The following APBB2 variants were observed in gnomAD, a reference collection of about 807,000 sequenced individuals.
The protein encoded by APBB2 is amyloid beta precursor protein binding family B member 2.
APBB2 carries 38 observed loss-of-function variants against 82.5 expected under a neutral mutation model. The observed-to-expected ratio is 0.46, with a 90% CI of 0.36 to 0.60. APBB2 has a LOEUF of 0.60. Ranked by LOEUF, APBB2 falls within the 20% of genes least tolerant of loss-of-function variation. The pLI, the probability that APBB2 is intolerant of heterozygous loss-of-function variation, is 0.00. For missense variants in APBB2, 772 were observed against 972.3 expected, an observed-to-expected ratio of 0.79 and a Z score of 2.74; for synonymous variants, 341 against 368.2, an observed-to-expected ratio of 0.93 and a Z score of 0.85.
intron 12 of APBB2, among the ~76,000 whole-genome samples, chr4:40,863,655 G>A (rs966713879): frequency 1.3e-5 from 2 of 151,474 alleles, no homozygotes; most frequent in African/African-American, 2.4e-5. Context: ...CACTTTGGGA[G>A]GCTGATGTGG....
Position 40,812,834 on chromosome 4 carries a change from A to AAGAC in APBB2, c.*3254_*3257dup, listed in dbSNP as rs1403208076. ...TGGGTCTAATGTCCCTTCATGCAAC[A>AAGAC]AGACAGATGAACAAAAAACAATGGT... On this transcript the variant is annotated 3_prime_UTR_variant, in exon 18 of 18. Coordinates refer to ENST00000508593, the MANE Select transcript of APBB2 (RefSeq NM_004307.2). 1.3e-5 allele frequency: 2 copies of AAGAC among 152,278 alleles called. No homozygotes were observed. Among genetic ancestry groups the AAGAC allele is most frequent in the African/African-American group, 4.8e-5 (2 of 41,468 alleles). 9.4% of individuals were successfully genotyped at this position (152,278 alleles called of 1,614,324 possible). A position where few individuals can be genotyped will look rare whatever the true frequency, so the allele number is the denominator to read the frequency against.
At chr4:40,866,903 G>T (rs1295823947) in intron 12 of APBB2, among the ~76,000 whole-genome samples, 1 of 151,974 alleles carries the variant, frequency 6.6e-6, no homozygotes, top group African/African-American at 2.4e-5. Context: ...ATTTTTAGTA[G>T]AATACAAAAG....
At chr4:40,982,457 G>GAAAGAA (rs1799327888) in intron 6 of APBB2, among the ~76,000 whole-genome samples, 1 of 70,898 alleles carries the variant, frequency 1.4e-5, no homozygotes, top group East Asian at 4.1e-4. Flanking sequence ...AAGAAAGAAT[G>GAAAGAA]AATGAATTTG....
At chr4:41,015,949 C>A (rs188044774) in intron 5 of APBB2, among the ~76,000 whole-genome samples, 1 of 152,214 alleles carries the variant, frequency 6.6e-6, no homozygotes, top group East Asian at 1.9e-4. Flanking sequence ...ATTTTTATTA[C>A]CATTTGGCTA....
In APBB2 at chr4:40,890,357, G is replaced by T. The variant is rs184122739; in HGVS notation, c.1529+7C>A. The T allele has an allele frequency of 6.1e-5, 99 of 1,611,448 alleles. 1 individual carries two copies. The East Asian group carries it at 2.0e-3, about 33-fold the overall frequency. On this transcript the variant is annotated splice_region_variant and intron_variant, in intron 12 of 17. Coordinates refer to ENST00000508593, the MANE Select transcript of APBB2 (RefSeq NM_004307.2). ...GGTGACCCAGACTGCCCCACCCAGG[G>T]ACTCACCGGCCATTGTCGCGGCCCA...
chr4:41,120,339 T>C (rs1173744965), intron 2 of APBB2, among the ~76,000 whole-genome samples: 1 of 152,026 alleles, frequency 6.6e-6, no homozygotes, highest in Non-Finnish European at 1.5e-5. Flanking sequence ...CTCACCCAGG[T>C]CCCGCTGTGT....
At chr4:41,091,666 C>T (rs575190122) in intron 3 of APBB2, among the ~76,000 whole-genome samples, 2 of 152,264 alleles carry the variant, frequency 1.3e-5, no homozygotes, top group Middle Eastern at 3.4e-3. Flanking sequence ...TAAATATCTG[C>T]GGAGTAAATG....
intron 10 of APBB2, among the ~76,000 whole-genome samples, chr4:40,927,990 C>T (rs111551209): frequency 4.6e-5 from 7 of 152,096 alleles, no homozygotes; most frequent in Admixed American, 6.6e-5. Context: ...CCATGTGCCA[C>T]GGGAAAAGGG....
At chr4:40,856,797 A>AC in intron 12 of APBB2, among the ~76,000 whole-genome samples, 1 of 151,514 alleles carries the variant, frequency 6.6e-6, no homozygotes, top group African/African-American at 2.4e-5. Context: ...TACAAGCCTC[A>AC]CTCCTTCTTC....
chr4:41,207,826 C>T (rs1335552435), intron 1 of APBB2: 1 of 152,148 alleles, frequency 6.6e-6, no homozygotes, highest in Admixed American at 6.5e-5. Context: ...GGCCCAGATT[C>T]CCAGACTTAC....
At chr4:41,151,796 A>G (rs1455852955) in intron 1 of APBB2, among the ~76,000 whole-genome samples, 4 of 151,442 alleles carry the variant, frequency 2.6e-5, no homozygotes, top group African/African-American at 9.7e-5. Context: ...AAGTGAATTA[A>G]AGTTTCTTTA....
intron 12 of APBB2, among the ~76,000 whole-genome samples, chr4:40,850,638 A>T (rs1372670455): frequency 6.6e-6 from 1 of 152,244 alleles, no homozygotes; most frequent in East Asian, 1.9e-4. Flanking sequence ...CAGAGGCTAC[A>T]GCAACTTTTG....
chr4:40,839,183 T>A (rs1755007647), intron 12 of APBB2, among the ~76,000 whole-genome samples: 1 of 152,016 alleles, frequency 6.6e-6, no homozygotes, highest in Non-Finnish European at 1.5e-5. Context: ...ACTCAAGCGA[T>A]CCTCCCGTCT....
intron 10 of APBB2, among the ~76,000 whole-genome samples, chr4:40,899,937 G>A (rs1393871215): frequency 6.6e-6 from 1 of 152,194 alleles, no homozygotes; most frequent in Non-Finnish European, 1.5e-5. Context: ...CGGGGTACAG[G>A]ACCAAAGAAG....
At chr4:40,906,769 G>A (rs1364767003) in intron 10 of APBB2, among the ~76,000 whole-genome samples, 1 of 152,174 alleles carries the variant, frequency 6.6e-6, no homozygotes, top group African/African-American at 2.4e-5. Flanking sequence ...GACCCAAAGT[G>A]AGATGTCTTT....
At chr4:40,977,839 T>A (rs1328878527) in intron 6 of APBB2, among the ~76,000 whole-genome samples, 6 of 152,194 alleles carry the variant, frequency 3.9e-5, no homozygotes, top group African/African-American at 1.4e-4. Context: ...CAAAGAGCCT[T>A]AGTTCTAATG....
chr4:41,059,236 G>A (rs550161315), intron 4 of APBB2, among the ~76,000 whole-genome samples: 104 of 152,320 alleles, frequency 6.8e-4, no homozygotes, highest in Non-Finnish European at 1.1e-3. Context: ...CGAGGCAGGC[G>A]GATCACCTGA....
intron 1 of APBB2, among the ~76,000 whole-genome samples, chr4:41,154,616 C>T (rs543705383): frequency 3.7e-4 from 56 of 152,248 alleles, no homozygotes; most frequent in South Asian, 1.2e-3. Context: ...CAAGCTGTAG[C>T]CCAACTCTCT....
In APBB2 at chr4:41,114,918, A is replaced by G. The variant is rs1276218685; in HGVS notation, c.-260-14168T>C. ...CTGCCCAAAGTAATTTATAGATTCA[A>G]TGCTATCCCCATCAAGCTACCATTG... On this transcript the variant is annotated intron_variant, in intron 2 of 17. Transcript: ENST00000508593. Among the ~76,000 whole-genome samples, 7 of 152,352 alleles carry G rather than the reference A, an allele frequency of 4.6e-5. No homozygotes were observed. In the East Asian group the frequency reaches 1.3e-3, roughly 29 times the overall value.
Sources: gnomAD v4.1 joint callset for allele counts (sites outside exome capture counted in the v4.1 genomes callset) on GRCh38, gnomAD v4.1.1 for gene constraint, MANE v1.5 for transcripts, NCBI Gene and HGNC (gene_info 2026-07-23, HGNC 2026-07-21) for gene names.